CLDN1: variants seen among roughly 807,000 people sequenced by gnomAD.
The protein encoded by CLDN1 is claudin 1.
CLDN1 carries 12 observed loss-of-function variants against 22.6 expected under a neutral mutation model. That is an observed-to-expected ratio of 0.53 (90% CI 0.34 to 0.86). The LOEUF is 0.86. Among genes scored for constraint, CLDN1 ranks in the 40% least tolerant of loss-of-function variants. The probability of loss-of-function intolerance (pLI) is 0.02; values close to 1 mark genes in which losing one functional copy is unlikely to be tolerated. For missense variants in CLDN1, 250 were observed against 269.5 expected (o/e 0.93, Z 0.51); for synonymous variants, 99 against 103.8 (o/e 0.95, Z 0.28).
chr3:190,310,139 AC>A (rs1285863834), intron 3 of CLDN1, 29 bp downstream of exon 3: 1 of 1,583,744 alleles, frequency 6.3e-7, no homozygotes, highest in East Asian at 2.2e-5. Flanking sequence ...TTCTCAGAAA[AC>A]AAACTATTTT....
At chr3:190,319,761 T>C (rs1229380377) in intron 1 of CLDN1, among the ~76,000 whole-genome samples, 1 of 152,168 alleles carries the variant, frequency 6.6e-6, no homozygotes, top group African/African-American at 2.4e-5. Flanking sequence ...ACCCTTTTCA[T>C]CTCTACATGT....
rs539450320 is a variant in CLDN1 at position 190,318,756 on chromosome 3, T to C, written c.223+3228A>G. ...CCCTCGGTTCAGCAGGCACAACGCA[T>C]CTGGAGAAGCATAAATAGGTGCCCT... On this transcript the variant is annotated intron_variant, in intron 1 of 3. Transcript: ENST00000295522. Among the ~76,000 whole-genome samples, 5 of 152,324 alleles carry C rather than the reference T, an allele frequency of 3.3e-5. No individual in the cohort carries two copies. The South Asian group carries it at 1.0e-3, about 32-fold the overall frequency.
chr3:190,319,987 T>C lies in CLDN1; in HGVS notation c.223+1997A>G, dbSNP rs75378593. Among the ~76,000 whole-genome samples the C allele has an allele frequency of 6.5e-3, 990 of 152,266 alleles. 13 individuals carry two copies. The highest frequency in any genetic ancestry group is 5.9e-3 in the Non-Finnish European group (402 of 68,010). ...TTGAGAGAAAGGCCTAAGCCACACC[T>C]TGGATAAACTATGGCTTTAAGTAAA... On this transcript the variant is annotated intron_variant, in intron 1 of 3. Transcript: ENST00000295522.
At chr3:190,311,298 C>A (rs187839149) in intron 2 of CLDN1, among the ~76,000 whole-genome samples, 7 of 152,276 alleles carry the variant, frequency 4.6e-5, no homozygotes, top group Admixed American at 2.0e-4. Flanking sequence ...CTTCATGCCA[C>A]GATGGCCACA....
At chr3:190,318,091 T>C (rs1392921908) in intron 1 of CLDN1, among the ~76,000 whole-genome samples, 1 of 152,220 alleles carries the variant, frequency 6.6e-6, no homozygotes, top group Non-Finnish European at 1.5e-5. Context: ...CAAAGTTTCA[T>C]AAAAGTCCTA....
chr3:190,319,195 A>G (rs1302690045), intron 1 of CLDN1, among the ~76,000 whole-genome samples: 2 of 152,196 alleles, frequency 1.3e-5, no homozygotes, highest in Non-Finnish European at 2.9e-5. Context: ...GCTTCCTAAA[A>G]GTTTGAGAAT....
intron 3 of CLDN1, 46 bp downstream of exon 3, chr3:190,310,123 G>T: frequency 6.7e-7 from 1 of 1,498,728 alleles, no homozygotes; most frequent in Non-Finnish European, 9.3e-7. Context: ...ATATAAAAAG[G>T]GCATTTTCTC....
chr3:190,317,154 A>G (rs1337662964), intron 1 of CLDN1, among the ~76,000 whole-genome samples: 1 of 152,222 alleles, frequency 6.6e-6, no homozygotes, highest in African/African-American at 2.4e-5. Flanking sequence ...TGGTCTGATT[A>G]GAACAAACCT....
At chr3:190,320,000 G>C (rs1046860672) in intron 1 of CLDN1, among the ~76,000 whole-genome samples, 2 of 152,176 alleles carry the variant, frequency 1.3e-5, no homozygotes, top group African/African-American at 4.8e-5. Flanking sequence ...GATAAACTAT[G>C]GCTTTAAGTA....
intron 1 of CLDN1, 106 bp downstream of exon 1, chr3:190,321,878 A>G: frequency 1.2e-6 from 1 of 850,356 alleles, no homozygotes; most frequent in Non-Finnish European, 2.0e-6. Flanking sequence ...GACTTGATCA[A>G]CTGAAGACTG....
chr3:190,320,771 T>C (rs999851643), intron 1 of CLDN1, among the ~76,000 whole-genome samples: 3 of 152,166 alleles, frequency 2.0e-5, no homozygotes, highest in Non-Finnish European at 2.9e-5. Context: ...TGGGGGCCAG[T>C]GGGCAGTCAC....
At chr3:190,308,651 AT>A (rs1393434049) in intron 3 of CLDN1, among the ~76,000 whole-genome samples, 2 of 152,216 alleles carry the variant, frequency 1.3e-5, no homozygotes, top group Non-Finnish European at 2.9e-5. Context: ...AGATCAGGAA[AT>A]AACACATGTA....
intron 1 of CLDN1, among the ~76,000 whole-genome samples, chr3:190,320,995 T>C (rs1386229472): frequency 1.3e-5 from 2 of 152,214 alleles, no homozygotes; most frequent in African/African-American, 4.8e-5. Context: ...CCTATTATCC[T>C]TCTTCCCACC....
chr3:190,321,358 A>C (rs746286), intron 1 of CLDN1, among the ~76,000 whole-genome samples: 1 of 151,908 alleles, frequency 6.6e-6, no homozygotes, highest in Non-Finnish European at 1.5e-5. Flanking sequence ...ACTTCGGGGG[A>C]ATCTCAAGCA....
At chr3:190,319,051 CA>C (rs1353868650) in intron 1 of CLDN1, among the ~76,000 whole-genome samples, 1 of 152,142 alleles carries the variant, frequency 6.6e-6, no homozygotes, top group Non-Finnish European at 1.5e-5. Context: ...AACATTCCTT[CA>C]AAATGCTTAT....
intron 2 of CLDN1, among the ~76,000 whole-genome samples, chr3:190,311,143 G>A (rs1716605857): frequency 6.6e-6 from 1 of 152,128 alleles, no homozygotes; most frequent in Non-Finnish European, 1.5e-5. Flanking sequence ...CATGCGAATG[G>A]TCTTGAACTT....
rs907788308 is a variant in CLDN1 at position 190,309,544 on chromosome 3, G to A, written c.473+625C>T. 2.6e-5 allele frequency among the ~76,000 whole-genome samples: 4 copies of A among 152,332 alleles called. No individual in the cohort carries two copies. The South Asian group carries it at 8.3e-4, about 32-fold the overall frequency. ...AGATGTGAAGACAGTGAGATGAAGA[G>A]CCTCGTCTCTGATTAAAGAATGTTG... On this transcript the variant is annotated intron_variant, in intron 3 of 3. Coordinates refer to ENST00000295522, the MANE Select transcript of CLDN1 (RefSeq NM_021101.5).
chr3:190,317,423 A>G (rs1716798450), intron 1 of CLDN1, among the ~76,000 whole-genome samples: 1 of 152,218 alleles, frequency 6.6e-6, no homozygotes, highest in African/African-American at 2.4e-5. Context: ...AAAAGTAAAT[A>G]CTTACAAAGA....
At position 190,308,456 on chromosome 3, in the gene CLDN1, A is replaced by G; in HGVS notation, c.474-17T>C. 6.2e-7 allele frequency: 1 copy of G among 1,613,036 alleles called. No homozygotes were observed. Among genetic ancestry groups the G allele is most frequent in the Non-Finnish European group, 8.5e-7 (1 of 1,179,264 alleles). Reference sequence around the variant, plus strand: ...AATTCGTACCTAAAAGGAAAAACCCATGTGCTTGTTAATCAGTGAATTATT... The same window carrying G: ...AATTCGTACCTAAAAGGAAAAACCCGTGTGCTTGTTAATCAGTGAATTATT... On this transcript the variant is annotated splice_polypyrimidine_tract_variant and intron_variant, in intron 3 of 3. Coordinates refer to ENST00000295522, the MANE Select transcript of CLDN1 (RefSeq NM_021101.5).
Sources: allele counts gnomAD v4.1 joint callset (sites outside exome capture counted in the v4.1 genomes callset), GRCh38; gene constraint gnomAD v4.1.1; transcripts MANE v1.5; gene names NCBI Gene and HGNC (gene_info 2026-07-23, HGNC 2026-07-21).